CREB3L2: variants seen among roughly 807,000 people sequenced by gnomAD.
CREB3L2 encodes the protein cyclic AMP-responsive element-binding protein 3-like protein 2.
In CREB3L2, 23 loss-of-function variants were observed where a neutral mutation model predicts 57.2. The ratio of observed to expected loss-of-function variants is 0.40; its 90% confidence interval spans 0.29 to 0.57. The LOEUF (loss-of-function observed/expected upper bound fraction) is 0.57, where lower values mean the gene tolerates loss of function less well. CREB3L2 is among the 20% of genes least tolerant of loss of function. The probability of loss-of-function intolerance (pLI) is 0.42; values close to 1 mark genes in which losing one functional copy is unlikely to be tolerated. For missense variants in CREB3L2, 628 were observed against 634.7 expected, an observed-to-expected ratio of 0.99 and a Z score of 0.11; for synonymous variants, 268 against 265.1, an observed-to-expected ratio of 1.01 and a Z score of -0.11.
In CREB3L2 at chr7:137,877,838, GA is replaced by G; in HGVS notation, c.*2637del. On this transcript the variant is annotated 3_prime_UTR_variant, in exon 12 of 12. Coordinates refer to ENST00000330387, the MANE Select transcript of CREB3L2 (RefSeq NM_194071.4). ...ATATTCTGGTCTTAATCCCTGAACA[GA>G]AAATGTGCACACATCCATTAACTAT... is the stretch of plus-strand genomic sequence containing the variant. 1 of 228,678 alleles carries G rather than the reference GA, an allele frequency of 4.4e-6. No individual in the cohort carries two copies. Among genetic ancestry groups the G allele is most frequent in the East Asian group, 6.3e-5 (1 of 15,892 alleles). The allele number at this position is 228,678 out of a possible 1,614,324, so 14.2% of individuals were successfully genotyped here.
At chr7:137,973,285 G>A (rs1014087714) in intron 1 of CREB3L2, among the ~76,000 whole-genome samples, 2 of 151,938 alleles carry the variant, frequency 1.3e-5, no homozygotes, top group African/African-American at 2.4e-5. Flanking sequence ...TGTTTGCCTT[G>A]TACGGAAGAC....
chr7:137,963,596 T>C (rs1266871107), intron 1 of CREB3L2, among the ~76,000 whole-genome samples: 1 of 152,218 alleles, frequency 6.6e-6, no homozygotes, highest in East Asian at 1.9e-4. Context: ...TTTTTATTGT[T>C]CATTTTTACT....
At chr7:137,891,101 A>C (rs1799520756) in intron 8 of CREB3L2, among the ~76,000 whole-genome samples, 1 of 152,240 alleles carries the variant, frequency 6.6e-6, no homozygotes, top group Non-Finnish European at 1.5e-5. Context: ...ACAATTTGTT[A>C]AATTGGAGTG....
intron 11 of CREB3L2, among the ~76,000 whole-genome samples, chr7:137,881,189 G>A (rs183333506): frequency 5.7e-4 from 87 of 152,176 alleles, no homozygotes; most frequent in African/African-American, 1.9e-3. Context: ...AGATCCCAGC[G>A]GTGGCTACAT....
rs1342287344 is a variant in CREB3L2, at chr7:137,876,881, T to C, written c.*3595A>G. The C allele has an allele frequency of 4.3e-6, 1 of 232,152 alleles. No individual in the cohort carries two copies. The highest frequency in any genetic ancestry group is 2.2e-5 in the African/African-American group (1 of 45,310). 14.4% of individuals were successfully genotyped at this position (232,152 alleles called of 1,614,324 possible). A position where few individuals can be genotyped will look rare whatever the true frequency, so the allele number is the denominator to read the frequency against. On this transcript the variant is annotated 3_prime_UTR_variant, in exon 12 of 12. Coordinates refer to ENST00000330387, the MANE Select transcript of CREB3L2 (RefSeq NM_194071.4). ...TCCGTGTTGGCAAGGTTGGCATGAA[T>C]GGGCCATTATTCAACTGGGGGTGGG...
intron 2 of CREB3L2, among the ~76,000 whole-genome samples, chr7:137,916,824 C>G (rs1800147247): frequency 1.3e-5 from 2 of 150,626 alleles, no homozygotes; most frequent in African/African-American, 4.9e-5. Flanking sequence ...GCGAGAGCGA[C>G]AGAGAGAGAG....
intron 2 of CREB3L2, among the ~76,000 whole-genome samples, chr7:137,916,371 T>C (rs1800132805): frequency 6.6e-6 from 1 of 152,222 alleles, no homozygotes; most frequent in Admixed American, 6.5e-5. Flanking sequence ...TCAAATCATG[T>C]AAATGTATTA....
intron 8 of CREB3L2, among the ~76,000 whole-genome samples, chr7:137,889,904 T>C (rs1799500046): frequency 6.6e-6 from 1 of 152,186 alleles, no homozygotes; most frequent in East Asian, 1.9e-4. Flanking sequence ...ACGTAGCTAA[T>C]AAGTAGAGGA....
In CREB3L2 at chr7:137,877,936, C is replaced by A. The variant is rs73444616; in HGVS notation, c.*2540G>T. ...CCATTTTGTCCTCCTAAAGGGACAACTGTTAGTTCCTTTAACCCACTCAAG... is the reference window on the plus strand; with the variant it reads ...CCATTTTGTCCTCCTAAAGGGACAAATGTTAGTTCCTTTAACCCACTCAAG... On this transcript the variant is annotated 3_prime_UTR_variant, in exon 12 of 12. Coordinates refer to ENST00000330387, the MANE Select transcript of CREB3L2 (RefSeq NM_194071.4). The A allele has an allele frequency of 2.4e-3, 540 of 227,862 alleles. 4 individuals are homozygous for A. The highest frequency in any genetic ancestry group is 0.01 in the African/African-American group (473 of 45,094). 14.1% of individuals were successfully genotyped at this position (227,862 alleles called of 1,614,324 possible).
intron 1 of CREB3L2, chr7:137,953,286 T>G: frequency 2.7e-6 from 1 of 368,148 alleles, no homozygotes. Context: ...CCCGGTGGTG[T>G]TTCACTGAAA....
At chr7:137,888,750 G>A (rs1418067685) in intron 8 of CREB3L2, among the ~76,000 whole-genome samples, 1 of 151,944 alleles carries the variant, frequency 6.6e-6, no homozygotes, top group Non-Finnish European at 1.5e-5. Flanking sequence ...TGTTCCCCTG[G>A]CCTGCTCAAG....
intron 1 of CREB3L2, among the ~76,000 whole-genome samples, chr7:137,970,094 G>C (rs1381629355): frequency 6.6e-6 from 1 of 152,108 alleles, no homozygotes; most frequent in African/African-American, 2.4e-5. Context: ...GCCTACACTG[G>C]AATACCATCT....
chr7:137,991,631 G>C (rs1308107604), intron 1 of CREB3L2, among the ~76,000 whole-genome samples: 2 of 152,126 alleles, frequency 1.3e-5, no homozygotes, highest in African/African-American at 4.8e-5. Context: ...GCACGGCCGA[G>C]CACAGTGGCT....
In CREB3L2 at chr7:138,001,944, G is replaced by T; in HGVS notation, c.-239C>A. ...CCCAGGGACACGAGCCGGACCAAAG[G>T]CTGCCGGGGCTAAAGCGGGATGTGC... On this transcript the variant is annotated 5_prime_UTR_variant, in exon 1 of 12. Coordinates refer to ENST00000330387, the MANE Select transcript of CREB3L2 (RefSeq NM_194071.4). This position sits in a 1 kb window ranked among gnomAD's most constrained non-coding sequence, Gnocchi z 4.2. The T allele has an allele frequency of 2.3e-6, 1 of 441,156 alleles. No individual in the cohort carries two copies. The highest frequency in any genetic ancestry group is 4.1e-6 in the Non-Finnish European group (1 of 246,748). 27.3% of individuals were successfully genotyped at this position (441,156 alleles called of 1,614,324 possible).
At chr7:137,984,486 GACAA>G (rs1446579179) in intron 1 of CREB3L2, among the ~76,000 whole-genome samples, 1 of 152,240 alleles carries the variant, frequency 6.6e-6, no homozygotes, top group Non-Finnish European at 1.5e-5. Flanking sequence ...GGACAAAGGT[GACAA>G]ACAGCCTCAC....
intron 1 of CREB3L2, among the ~76,000 whole-genome samples, chr7:137,963,036 G>A (rs542716240): frequency 6.6e-6 from 1 of 152,210 alleles, no homozygotes; most frequent in Non-Finnish European, 1.5e-5. Flanking sequence ...GGGGCCCTTG[G>A]ATCTTCATGA....
intron 1 of CREB3L2, among the ~76,000 whole-genome samples, chr7:137,932,202 T>C (rs1029334221): frequency 6.6e-6 from 1 of 152,230 alleles, no homozygotes; most frequent in African/African-American, 2.4e-5. Flanking sequence ...CCTGTTTCAT[T>C]GATTTAAACA....
chr7:137,942,257 G>A (rs1227310182), intron 1 of CREB3L2, among the ~76,000 whole-genome samples: 1 of 152,190 alleles, frequency 6.6e-6, no homozygotes. Context: ...CTACTTTGGT[G>A]GCACTGCTGA....
rs1799204223 is a variant in CREB3L2, at chr7:137,878,340, C to T, written c.*2136G>A. ...CTCACTTCTGCCCCTAAATTTGAAACCTTTCCTTCCTCATTGCCCAAATGC... is the reference window on the plus strand; with the variant it reads ...CTCACTTCTGCCCCTAAATTTGAAATCTTTCCTTCCTCATTGCCCAAATGC... On this transcript the variant is annotated 3_prime_UTR_variant, in exon 12 of 12. Coordinates refer to ENST00000330387, the MANE Select transcript of CREB3L2 (RefSeq NM_194071.4). 4.3e-6 allele frequency: 1 copy of T among 232,874 alleles called. No individual in the cohort carries two copies. The highest frequency in any genetic ancestry group is 1.8e-4 in the South Asian group (1 of 5,528). The allele number at this position is 232,874 out of a possible 1,614,324, so 14.4% of individuals were successfully genotyped here. A position where few individuals can be genotyped will look rare whatever the true frequency, so the allele number is the denominator to read the frequency against.
Sources: allele counts gnomAD v4.1 joint callset (sites outside exome capture counted in the v4.1 genomes callset), GRCh38; gene constraint gnomAD v4.1.1; non-coding constraint Gnocchi (gnomAD v3.1); transcripts MANE v1.5; gene names NCBI Gene and HGNC (gene_info 2026-07-23, HGNC 2026-07-21).